The following NID1 variants were observed in gnomAD, a reference collection of about 807,000 sequenced individuals.
The protein encoded by NID1 is nidogen-1.
A neutral mutation model predicts 130.6 loss-of-function variants in NID1; 76 were observed. The observed-to-expected ratio is 0.58, with a 90% confidence interval of 0.48 to 0.70. The LOEUF is 0.70. Ranked by LOEUF, NID1 falls within the 30% of genes least tolerant of loss-of-function variation. The pLI is 0.00. For missense variants in NID1, 1,517 were observed against 1,664.8 expected (o/e 0.91, Z 1.54); for synonymous variants, 665 against 675.1 (o/e 0.98, Z 0.23).
chr1:235,989,939 C>A (rs531430851), intron 14 of NID1, among the ~76,000 whole-genome samples: 1 of 152,176 alleles, frequency 6.6e-6, no homozygotes, highest in South Asian at 2.1e-4. Context: ...GAGAGGGAGC[C>A]AGAGGCCAGA....
chr1:236,004,631 G>A (rs571153952), intron 12 of NID1, among the ~76,000 whole-genome samples: 71 of 151,748 alleles, frequency 4.7e-4, no homozygotes, highest in Non-Finnish European at 7.5e-4. Context: ...GCGTGGTGGC[G>A]GGCGCCTGTA....
chr1:236,020,065 C>CAA (rs1421457779), intron 9 of NID1, among the ~76,000 whole-genome samples: 4 of 107,722 alleles, frequency 3.7e-5, no homozygotes, highest in Non-Finnish European at 5.4e-5. Context: ...AAAACAAAAA[C>CAA]AAACTTCTTT....
intron 13 of NID1, among the ~76,000 whole-genome samples, chr1:235,992,954 T>C (rs1489734752): frequency 6.6e-6 from 1 of 152,196 alleles, no homozygotes; most frequent in Non-Finnish European, 1.5e-5. Context: ...TCGGGGTTAT[T>C]TTGCCTCATG....
chr1:236,031,960 C>A (rs1659112356), intron 6 of NID1, among the ~76,000 whole-genome samples: 1 of 152,184 alleles, frequency 6.6e-6, no homozygotes, highest in Non-Finnish European at 1.5e-5. Context: ...TCTCTCTGAG[C>A]AAATCCTGAG....
rs1352515543 is a variant in NID1, at chr1:236,040,636, T to A, written c.1135+1274A>T. Among the ~76,000 whole-genome samples the A allele has an allele frequency of 9.3e-5, 14 of 151,210 alleles. No homozygotes were observed. In the South Asian group the frequency reaches 2.7e-3, roughly 29 times the overall value. Reference sequence around the variant, plus strand: ...GTATCAAACTAATGTGAAAAAAAAATAATGAGGACAGTTTAGTTGGAACAT... The same window carrying A: ...GTATCAAACTAATGTGAAAAAAAAAAAATGAGGACAGTTTAGTTGGAACAT... On this transcript the variant is annotated intron_variant, in intron 4 of 19. Coordinates refer to ENST00000264187, the MANE Select transcript of NID1 (RefSeq NM_002508.3).
chr1:236,023,588 A>G (rs1316519744), intron 9 of NID1, among the ~76,000 whole-genome samples: 1 of 152,216 alleles, frequency 6.6e-6, no homozygotes. Context: ...TGTACACTTA[A>G]AAAGTGTTAA....
intron 12 of NID1, among the ~76,000 whole-genome samples, chr1:235,999,504 C>G (rs1658018088): frequency 6.6e-6 from 1 of 151,732 alleles, no homozygotes; most frequent in Middle Eastern, 3.4e-3. Flanking sequence ...GTGTCCCTGG[C>G]CCCCATGGGA....
chr1:236,019,926 A>G (rs1572599809), intron 9 of NID1, among the ~76,000 whole-genome samples: 2 of 151,502 alleles, frequency 1.3e-5, no homozygotes, highest in East Asian at 3.9e-4. Flanking sequence ...AATTCCGGCA[A>G]TCCGGGAGGC....
At chr1:236,059,972 T>G (rs1391225355) in intron 1 of NID1, among the ~76,000 whole-genome samples, 1 of 151,974 alleles carries the variant, frequency 6.6e-6, no homozygotes, top group Non-Finnish European at 1.5e-5. Context: ...TGTTGGCATG[T>G]GCCTGTAGTC....
intron 2 of NID1, among the ~76,000 whole-genome samples, chr1:236,047,035 C>T (rs1481372827): frequency 6.6e-6 from 1 of 152,124 alleles, no homozygotes; most frequent in Non-Finnish European, 1.5e-5. Flanking sequence ...CACTTGAACC[C>T]AGGAGGTGGA....
At chr1:235,997,499 GTTAA>G (rs1264045607) in intron 12 of NID1, among the ~76,000 whole-genome samples, 1 of 150,472 alleles carries the variant, frequency 6.6e-6, no homozygotes, top group African/African-American at 2.4e-5. Context: ...ATACTAAAAT[GTTAA>G]TTAATAATAA....
At position 236,032,479 on chromosome 1, in the gene NID1, G is replaced by A. The variant is rs1659127165; in HGVS notation, c.1459C>T (p.Leu487=). ...PETVGYSLLP[L]APVGGIIGWM... is the part of the protein sequence containing the mutation. ...CCAATGATGCCTCCAACTGGGGCCA[G>A]TGGAAGCAGAGAATATCCAACGGTC... is the stretch of plus-strand genomic sequence containing the variant. Residue 487 remains leucine, a synonymous_variant, in exon 6 of 20, where the codon CTG becomes TTG. Transcript: ENST00000264187. 8 of 1,614,210 alleles carry A rather than the reference G, an allele frequency of 5.0e-6. No homozygotes were observed. Among genetic ancestry groups the A allele is most frequent in the Non-Finnish European group, 6.8e-6 (8 of 1,180,040 alleles).
At chr1:236,025,786 A>G in intron 8 of NID1, 110 bp downstream of exon 8, 1 of 1,376,904 alleles carries the variant, frequency 7.3e-7, no homozygotes, top group Non-Finnish European at 9.9e-7. Context: ...AAGATACTTT[A>G]GCATAATTTT....
intron 1 of NID1, among the ~76,000 whole-genome samples, chr1:236,062,821 C>G (rs1660079047): frequency 6.6e-6 from 1 of 152,016 alleles, no homozygotes; most frequent in Non-Finnish European, 1.5e-5. Flanking sequence ...CTGAACTGCC[C>G]TTGGATCCAC....
In NID1 at chr1:236,048,963, C is replaced by T. The variant is rs200610486; in HGVS notation, c.252G>A (p.Thr84=). Residue 84 remains threonine, a synonymous_variant, in exon 2 of 20, where the codon ACG becomes ACA. Coordinates refer to ENST00000264187, the MANE Select transcript of NID1 (RefSeq NM_002508.3). ...VYVTTNGIIA[T]SEPPAKESHP... ...GGGATTCTTTGGCCGGGGGTTCACTCGTAGCAATGATGCCATTTGTGGTGA... is the reference window on the plus strand; with the variant it reads ...GGGATTCTTTGGCCGGGGGTTCACTTGTAGCAATGATGCCATTTGTGGTGA... 6.6e-5 allele frequency: 107 copies of T among 1,613,844 alleles called. No individual in the cohort carries two copies. The highest frequency in any genetic ancestry group is 8.3e-5 in the Non-Finnish European group (98 of 1,180,004).
intron 9 of NID1, 94 bp downstream of exon 9, chr1:236,023,976 T>C (rs1286375421): frequency 1.3e-5 from 19 of 1,518,266 alleles, no homozygotes; most frequent in Non-Finnish European, 1.6e-5. Context: ...CATCCGTGCT[T>C]CCTTGCTGCA....
intron 9 of NID1, among the ~76,000 whole-genome samples, chr1:236,023,796 C>T (rs1159455518): frequency 6.6e-6 from 1 of 152,184 alleles, no homozygotes; most frequent in Non-Finnish European, 1.5e-5. Flanking sequence ...TGACTTACAA[C>T]TCCTTTTAAA....
intron 4 of NID1, among the ~76,000 whole-genome samples, chr1:236,038,638 C>A (rs759101754): frequency 1.7e-4 from 26 of 149,678 alleles, no homozygotes; most frequent in Admixed American, 1.1e-3. Flanking sequence ...TTTGGGGGGA[C>A]TCTTAAAATA....
In NID1 at chr1:235,979,779, GA is replaced by G; in HGVS notation, c.3509+42del. The G allele has an allele frequency of 6.2e-7, 1 of 1,605,582 alleles. No homozygotes were observed. The highest frequency in any genetic ancestry group is 8.5e-7 in the Non-Finnish European group (1 of 1,174,230). On this transcript the variant is annotated intron_variant, in intron 18 of 19. Transcript: ENST00000264187. The surrounding 1 kb of genome is among the most constrained non-coding windows in gnomAD (Gnocchi z 4.6). ...CCTGGCCTCCCAGAGACAGTGGGTGGAGGGGCAGGCCCACGCAGCCCCCATG... is the reference window on the plus strand; with the variant it reads ...CCTGGCCTCCCAGAGACAGTGGGTGGGGGGCAGGCCCACGCAGCCCCCATG...
Sources: gnomAD v4.1 joint callset for allele counts (sites outside exome capture counted in the v4.1 genomes callset) on GRCh38, gnomAD v4.1.1 for gene constraint, Gnocchi (gnomAD v3.1) non-coding constraint, MANE v1.5 for transcripts, NCBI Gene and HGNC (gene_info 2026-07-23, HGNC 2026-07-21) for gene names.